Variants in ATRX observed in about 807,000 individuals in gnomAD.
ATRX encodes the protein ATRX chromatin remodeler, also known as chromatin remodeler ATRX.
ATRX carries 12 observed loss-of-function variants against 172.6 expected under a neutral mutation model. The ratio of observed to expected loss-of-function variants is 0.07; its 90% CI spans 0.04 to 0.11. ATRX has a LOEUF of 0.11. Ranked by LOEUF, ATRX falls within the 10% of genes least tolerant of loss-of-function variation. The probability of loss-of-function intolerance (pLI) is 1.00; values close to 1 mark genes in which losing one functional copy is unlikely to be tolerated. For missense variants in ATRX, 1,368 were observed against 1,767.4 expected, an observed-to-expected ratio of 0.77 and a Z score of 4.05; for synonymous variants, 674 against 594.7, an observed-to-expected ratio of 1.13 and a Z score of -1.94.
chrX:77,657,798 T>C (rs2069632577), intron 12 of ATRX, among the ~76,000 whole-genome samples: 4 of 112,002 alleles, frequency 3.6e-5, no homozygotes, highest in African/African-American at 1.3e-4. Context: ...GGTCACAAAG[T>C]ATCTCCCAAC....
chrX:77,688,664 T>C (rs1427996961), intron 7 of ATRX, among the ~76,000 whole-genome samples, 154 bp downstream of exon 7: 1 of 111,962 alleles, frequency 8.9e-6, no homozygotes, highest in Non-Finnish European at 1.9e-5. Flanking sequence ...ATCATGACAC[T>C]TAGGCTTTGT....
chrX:77,540,896 A>C (rs1353128227), intron 30 of ATRX, among the ~76,000 whole-genome samples: 1 of 111,697 alleles, frequency 9.0e-6, no homozygotes, highest in Non-Finnish European at 1.9e-5. Flanking sequence ...CTAACATCAC[A>C]ATTAAAAGAA....
At chrX:77,616,802 C>T (rs2067373913) in intron 21 of ATRX, 72 bp from the exon 22 acceptor site, 3 of 737,602 alleles carry the variant, frequency 4.1e-6, no homozygotes, top group Non-Finnish European at 6.3e-6. Context: ...GTTCTCATTG[C>T]TTATAACTGA....
At chrX:77,726,366 C>T (rs2074035929) in intron 1 of ATRX, among the ~76,000 whole-genome samples, 3 of 107,184 alleles carry the variant, frequency 2.8e-5, no homozygotes, top group African/African-American at 1.0e-4. Flanking sequence ...AGCAAACTAT[C>T]GCAAGGACAA....
At chrX:77,577,417 TAGAGA>T (rs2148032485) in intron 27 of ATRX, among the ~76,000 whole-genome samples, 1 of 111,546 alleles carries the variant, frequency 9.0e-6, no homozygotes, top group African/African-American at 3.3e-5. Context: ...ATATCATTTT[TAGAGA>T]AATGTCTATC....
intron 30 of ATRX, among the ~76,000 whole-genome samples, chrX:77,551,767 T>C (rs2064530579): frequency 9.2e-6 from 1 of 109,149 alleles, no homozygotes; most frequent in Admixed American, 9.7e-5. Flanking sequence ...CAAACATATT[T>C]ACAAGAAAAC....
intron 19 of ATRX, among the ~76,000 whole-genome samples, chrX:77,622,468 C>A (rs1353638506): frequency 9.0e-6 from 1 of 111,523 alleles, no homozygotes; most frequent in Non-Finnish European, 1.9e-5. Flanking sequence ...AGCAGAAAGG[C>A]ACTGGGAGCT....
At chrX:77,766,814 G>A (rs1211940163) in intron 1 of ATRX, among the ~76,000 whole-genome samples, 1 of 110,448 alleles carries the variant, frequency 9.1e-6, no homozygotes, top group East Asian at 2.9e-4. Context: ...CTTCCCAGAC[G>A]GGGTGGCGGC....
intron 21 of ATRX, among the ~76,000 whole-genome samples, chrX:77,617,938 G>A (rs2148251968): frequency 9.0e-6 from 1 of 110,574 alleles, no homozygotes; most frequent in African/African-American, 3.3e-5. Context: ...AGCCTGGAGT[G>A]TAGTGGCATG....
chrX:77,671,168 ATATATATATATATAT>A (rs2070578300), intron 10 of ATRX, among the ~76,000 whole-genome samples: 1 of 8,515 alleles, frequency 1.2e-4, no homozygotes, highest in East Asian at 2.6e-3. Context: ...AAAAAAAAAA[ATATATATATATATAT>A]ATATATATAT....
In ATRX at chrX:77,692,956, G is replaced by A. The variant is rs540354715; in HGVS notation, c.484+868C>T. On this transcript the variant is annotated intron_variant, in intron 6 of 34. Transcript: ENST00000373344. ...GGCTGCAGTGCAGTGGTGCAATCAC[G>A]GCTCACTGCAGCCTCGATCACCTGG... Among the ~76,000 whole-genome samples the A allele has an allele frequency of 1.4e-4, 15 of 108,281 alleles. No homozygotes were observed. The East Asian group carries it at 2.4e-3, about 17-fold the overall frequency. The allele number at this position is 108,281 out of a possible 115,157, so 94.0% of individuals were successfully genotyped here. A position where few individuals can be genotyped will look rare whatever the true frequency, so the allele number is the denominator to read the frequency against.
rs2062713377 is a variant in ATRX at position 77,506,694 on chromosome X, G to A, written c.*1657C>T. ...GATTTATTAGTGATATTTCATCATG[G>A]GAAAGTGGGGGAGAGGGGCGTGGAT... On this transcript the variant is annotated 3_prime_UTR_variant, in exon 35 of 35. Coordinates refer to ENST00000373344, the MANE Select transcript of ATRX (RefSeq NM_000489.6). 5.7e-6 allele frequency: 1 copy of A among 174,783 alleles called. No homozygotes were observed. The highest frequency in any genetic ancestry group is 1.1e-5 in the Non-Finnish European group (1 of 91,284). The allele number at this position is 174,783 out of a possible 1,213,427, so 14.4% of individuals were successfully genotyped here.
intron 30 of ATRX, among the ~76,000 whole-genome samples, chrX:77,555,307 A>G (rs1401164948): frequency 1.8e-5 from 2 of 111,975 alleles, no homozygotes; most frequent in African/African-American, 3.2e-5. Flanking sequence ...GCGATTCCTC[A>G]AGGATCTAGA....
intron 7 of ATRX, among the ~76,000 whole-genome samples, chrX:77,686,292 A>G (rs782081263): frequency 8.9e-6 from 1 of 112,535 alleles, no homozygotes; most frequent in South Asian, 3.6e-4. Flanking sequence ...GCACGCCAGT[A>G]TTAAAACATC....
intron 30 of ATRX, among the ~76,000 whole-genome samples, chrX:77,547,657 G>GA (rs80347029): frequency 0.024 from 2,670 of 110,526 alleles, 167 homozygotes; most frequent in East Asian, 0.21. Context: ...TATTATTTAA[G>GA]AAAAAAAACC....
intron 19 of ATRX, 29 bp downstream of exon 19, chrX:77,633,178 C>T (rs1557106383): frequency 8.5e-7 from 1 of 1,178,153 alleles, no homozygotes; most frequent in East Asian, 3.0e-5. Context: ...CAACTTGCTT[C>T]TTTATGTCAC....
chrX:77,749,349 A>C (rs2075214791), intron 1 of ATRX, among the ~76,000 whole-genome samples: 1 of 111,065 alleles, frequency 9.0e-6, no homozygotes, highest in South Asian at 3.8e-4. Context: ...ACACACACAC[A>C]CCAATTTTCT....
chrX:77,509,756 A>G (rs782185745), intron 34 of ATRX, among the ~76,000 whole-genome samples: 22 of 111,177 alleles, frequency 2.0e-4, no homozygotes, highest in Non-Finnish European at 4.0e-4. Flanking sequence ...GCCAGAGGGA[A>G]ATCACCTATC....
intron 30 of ATRX, among the ~76,000 whole-genome samples, chrX:77,552,520 G>C (rs2064590556): frequency 9.2e-6 from 1 of 108,404 alleles, no homozygotes; most frequent in Non-Finnish European, 1.9e-5. Flanking sequence ...TAGACGACGA[G>C]TTAATGGGTG....
Sources: allele counts gnomAD v4.1 joint callset (sites outside exome capture counted in the v4.1 genomes callset), GRCh38; gene constraint gnomAD v4.1.1; transcripts MANE v1.5; gene names NCBI Gene and HGNC (gene_info 2026-07-23, HGNC 2026-07-21).